LRRC7: variants seen among roughly 807,000 people sequenced by gnomAD.
The protein encoded by LRRC7 is leucine-rich repeat-containing protein 7.
In LRRC7, 23 loss-of-function variants were observed where a neutral mutation model predicts 175.7. The observed-to-expected ratio is 0.13, with a 90% CI of 0.09 to 0.19. The LOEUF is 0.19. LRRC7 is among the 10% of genes least tolerant of loss of function. The pLI, the probability that LRRC7 is intolerant of heterozygous loss-of-function variation, is 1.00. For synonymous variants in LRRC7, 685 were observed against 680.9 expected (o/e 1.01, Z -0.09); for missense variants, 1,354 against 1,904.7 (o/e 0.71, Z 5.38).
chr1:69,890,272 A>T (rs1435698508), intron 7 of LRRC7, among the ~76,000 whole-genome samples: 1 of 152,230 alleles, frequency 6.6e-6, no homozygotes, highest in Admixed American at 6.5e-5. Flanking sequence ...AGCAGAATGG[A>T]TGTTGTATTC....
chr1:70,094,194 A>C (rs1664227081), intron 25 of LRRC7, among the ~76,000 whole-genome samples: 1 of 152,144 alleles, frequency 6.6e-6, no homozygotes, highest in Non-Finnish European at 1.5e-5. Context: ...GCCCATCCTC[A>C]AAGGACCTGA....
chr1:69,737,665 T>C (rs1043265408), intron 2 of LRRC7, among the ~76,000 whole-genome samples: 1 of 152,060 alleles, frequency 6.6e-6, no homozygotes. Flanking sequence ...TACTTCTATG[T>C]AGTGGTCCCA....
At chr1:69,776,005 C>G (rs1672768565) in intron 3 of LRRC7, among the ~76,000 whole-genome samples, 1 of 152,096 alleles carries the variant, frequency 6.6e-6, no homozygotes, top group African/African-American at 2.4e-5. Context: ...CCCAATAGAG[C>G]CTCTAATTAC....
intron 1 of LRRC7, among the ~76,000 whole-genome samples, chr1:69,576,948 T>C (rs890460233): frequency 6.6e-6 from 1 of 152,206 alleles, no homozygotes; most frequent in African/African-American, 2.4e-5. Flanking sequence ...TCTTTTGCAC[T>C]ATCTAATTTT....
At chr1:69,570,125 C>T (rs1214923453) in intron 1 of LRRC7, among the ~76,000 whole-genome samples, 1 of 151,924 alleles carries the variant, frequency 6.6e-6, no homozygotes, top group East Asian at 1.9e-4. Context: ...ATATTCTAAC[C>T]TAGGCGAAAT....
intron 7 of LRRC7, among the ~76,000 whole-genome samples, chr1:69,850,211 AAAG>A (rs891359574): frequency 5.9e-5 from 9 of 152,084 alleles, no homozygotes; most frequent in African/African-American, 1.7e-4. Context: ...CCAAAGAAAA[AAAG>A]AAGAAAATCA....
chr1:69,618,536 T>G (rs929186621), intron 1 of LRRC7, among the ~76,000 whole-genome samples: 4 of 152,174 alleles, frequency 2.6e-5, no homozygotes, highest in Admixed American at 2.6e-4. Flanking sequence ...CTTAGTCAAC[T>G]TAGACTCTCA....
In LRRC7 at chr1:69,962,885, T is replaced by C. The variant is rs370596228; in HGVS notation, c.712-17494T>C. Among the ~76,000 whole-genome samples the C allele has an allele frequency of 7.0e-4, 107 of 152,162 alleles. 2 individuals carry two copies. The South Asian group carries it at 0.022, about 31-fold the overall frequency. ...AACGACTAACGGATGCTAAGCTTAA[T>C]ACTTAGGTAATGAAATAATCTGTAC... On this transcript the variant is annotated intron_variant, in intron 8 of 26. Transcript: ENST00000651989.
At chr1:69,922,038 G>T (rs1646904851) in intron 7 of LRRC7, among the ~76,000 whole-genome samples, 1 of 152,126 alleles carries the variant, frequency 6.6e-6, no homozygotes, top group South Asian at 2.1e-4. Flanking sequence ...CAATTCTCCT[G>T]CCTCAACCTT....
chr1:69,797,518 T>A (rs1441119820), intron 4 of LRRC7, among the ~76,000 whole-genome samples: 6 of 152,174 alleles, frequency 3.9e-5, no homozygotes, highest in Non-Finnish European at 8.8e-5. Flanking sequence ...AAGCAAAAAT[T>A]CATTCTCTTC....
intron 22 of LRRC7, among the ~76,000 whole-genome samples, chr1:70,046,104 A>AT (rs1660310316): frequency 6.6e-6 from 1 of 152,144 alleles, no homozygotes; most frequent in Admixed American, 6.6e-5. Context: ...CCCTGAAGTT[A>AT]TATCATATGA....
intron 2 of LRRC7, among the ~76,000 whole-genome samples, chr1:69,717,812 A>G (rs574975323): frequency 1.0e-4 from 5 of 48,638 alleles, no homozygotes; most frequent in Non-Finnish European, 1.5e-4. Flanking sequence ...GAAAGAAAGA[A>G]AGAAAGAAAG....
At chr1:70,092,980 T>C (rs1017296434) in intron 25 of LRRC7, among the ~76,000 whole-genome samples, 23 of 152,140 alleles carry the variant, frequency 1.5e-4, no homozygotes, top group Non-Finnish European at 3.4e-4. Flanking sequence ...GCAGTTGATA[T>C]TGTCAAAACA....
At chr1:69,607,880 G>T (rs1647875003) in intron 1 of LRRC7, 1 of 152,126 alleles carries the variant, frequency 6.6e-6, no homozygotes, top group Non-Finnish European at 1.5e-5. Context: ...TATCCTAGAA[G>T]GTCAGTTTCC....
chr1:69,735,257 A>G (rs1403673032), intron 2 of LRRC7, among the ~76,000 whole-genome samples: 1 of 152,036 alleles, frequency 6.6e-6, no homozygotes, highest in Non-Finnish European at 1.5e-5. Context: ...AATGTGTTTT[A>G]TGACTGTTTT....
chr1:69,897,531 C>A (rs377480192), intron 7 of LRRC7, among the ~76,000 whole-genome samples: 4 of 152,202 alleles, frequency 2.6e-5, no homozygotes, highest in African/African-American at 9.6e-5. Context: ...ATCTGTTTTG[C>A]TTTTGACTTT....
intron 23 of LRRC7, among the ~76,000 whole-genome samples, chr1:70,071,865 C>T (rs1222412418): frequency 6.6e-6 from 1 of 152,036 alleles, no homozygotes; most frequent in African/African-American, 2.4e-5. Flanking sequence ...TTTAAAAGAC[C>T]AGTGTAAACC....
intron 26 of LRRC7, 73 bp from the exon 27 acceptor site, chr1:70,121,707 T>C: frequency 9.9e-7 from 1 of 1,007,046 alleles, no homozygotes; most frequent in Non-Finnish European, 1.5e-6. Flanking sequence ...CTCCCGTGAA[T>C]TTTATGAATA....
chr1:69,592,564 A>G (rs60763622), intron 1 of LRRC7, among the ~76,000 whole-genome samples: 1 of 152,090 alleles, frequency 6.6e-6, no homozygotes, highest in Non-Finnish European at 1.5e-5. Flanking sequence ...ATTTGAGTGC[A>G]GGACTGGATT....
Sources: gnomAD v4.1 joint callset for allele counts (sites outside exome capture counted in the v4.1 genomes callset) on GRCh38, gnomAD v4.1.1 for gene constraint, MANE v1.5 for transcripts, NCBI Gene and HGNC (gene_info 2026-07-23, HGNC 2026-07-21) for gene names.